Variants in FGF12 observed in about 807,000 individuals in gnomAD.
FGF12 encodes fibroblast growth factor 12.
Under a neutral mutation model 23.6 loss-of-function variants are expected in FGF12, and 14 were observed. The observed-to-expected ratio is 0.59, with a 90% CI of 0.39 to 0.93. The LOEUF is 0.93. Among genes scored for constraint, FGF12 ranks in the 40% least tolerant of loss-of-function variants. The probability of loss-of-function intolerance (pLI) is 0.00; values close to 1 mark genes in which losing one functional copy is unlikely to be tolerated. For missense variants in FGF12, 175 were observed against 217.8 expected, an observed-to-expected ratio of 0.80 and a Z score of 1.24; for synonymous variants, 62 against 77.3, an observed-to-expected ratio of 0.80 and a Z score of 1.04.
chr3:192,436,466 A>G (rs1285280078), intron 2 of FGF12, among the ~76,000 whole-genome samples: 1 of 152,176 alleles, frequency 6.6e-6, no homozygotes, highest in Non-Finnish European at 1.5e-5. Flanking sequence ...AGTACTAGTG[A>G]GCTCCTGGGT....
intron 2 of FGF12, among the ~76,000 whole-genome samples, chr3:192,634,154 TC>T (rs1715495691): frequency 6.6e-6 from 1 of 152,172 alleles, no homozygotes; most frequent in Admixed American, 6.5e-5. Context: ...TCCTTTTTTC[TC>T]TCTTTCATCT....
At chr3:192,524,969 T>C (rs1441729526) in intron 2 of FGF12, among the ~76,000 whole-genome samples, 1 of 152,144 alleles carries the variant, frequency 6.6e-6, no homozygotes, top group Non-Finnish European at 1.5e-5. Flanking sequence ...GATGCAGTAA[T>C]TATATGTGTT....
chr3:192,187,130 C>A (rs2108642004), intron 4 of FGF12, among the ~76,000 whole-genome samples: 1 of 152,248 alleles, frequency 6.6e-6, no homozygotes, highest in Non-Finnish European at 1.5e-5. Flanking sequence ...TAGAATCTGA[C>A]CATTTTCCCT....
chr3:192,345,428 C>G (rs1717908324), intron 3 of FGF12, among the ~76,000 whole-genome samples: 1 of 42,852 alleles, frequency 2.3e-5, no homozygotes, highest in Non-Finnish European at 3.4e-5. Context: ...TGGCTCACGC[C>G]TGTAATCCCA....
At chr3:192,318,425 C>T (rs942346081) in intron 4 of FGF12, among the ~76,000 whole-genome samples, 8 of 152,062 alleles carry the variant, frequency 5.3e-5, no homozygotes, top group East Asian at 1.9e-4. Flanking sequence ...AGTTGGAAAA[C>T]GCAACTGACA....
chr3:192,300,508 T>C (rs1715280789), intron 4 of FGF12, among the ~76,000 whole-genome samples: 1 of 152,074 alleles, frequency 6.6e-6, no homozygotes, highest in South Asian at 2.1e-4. Flanking sequence ...GGGGGAAGCA[T>C]GGTAGGTGCC....
chr3:192,375,410 A>G (rs1236778838), intron 2 of FGF12, among the ~76,000 whole-genome samples: 5 of 152,110 alleles, frequency 3.3e-5, no homozygotes, highest in Non-Finnish European at 7.4e-5. Context: ...TGTCTCTATT[A>G]TTTTAGTAGT....
At chr3:192,727,348 T>G (rs1719253124) in intron 1 of FGF12, 25 bp from the exon 2 acceptor site, 20 of 1,532,524 alleles carry the variant, frequency 1.3e-5, no homozygotes, top group Non-Finnish European at 1.7e-5. Context: ...TTCTTAAACC[T>G]TGAAGCTGCA....
intron 2 of FGF12, among the ~76,000 whole-genome samples, chr3:192,643,148 T>C (rs1715868096): frequency 6.6e-6 from 1 of 152,244 alleles, no homozygotes; most frequent in South Asian, 2.1e-4. Flanking sequence ...GAGAAATTCT[T>C]TACTATTCTA....
chr3:192,410,454 C>G (rs185260300), intron 2 of FGF12, among the ~76,000 whole-genome samples: 535 of 152,182 alleles, frequency 3.5e-3, no homozygotes, highest in Non-Finnish European at 6.5e-3. Context: ...GTTAAAGGAC[C>G]CTAGGTGCGC....
intron 2 of FGF12, among the ~76,000 whole-genome samples, chr3:192,432,823 T>C (rs1205883503): frequency 6.6e-6 from 1 of 152,118 alleles, no homozygotes; most frequent in Non-Finnish European, 1.5e-5. Context: ...TGAAGCTGTG[T>C]CCGGTTTACT....
At chr3:192,276,590 T>G (rs1713804722) in intron 4 of FGF12, among the ~76,000 whole-genome samples, 1 of 152,174 alleles carries the variant, frequency 6.6e-6, no homozygotes, top group Admixed American at 6.6e-5. Flanking sequence ...TCTTTTTCTG[T>G]CCTTTTCCTG....
At chr3:192,434,506 T>A (rs984800439) in intron 2 of FGF12, among the ~76,000 whole-genome samples, 1 of 152,082 alleles carries the variant, frequency 6.6e-6, no homozygotes, top group East Asian at 1.9e-4. Context: ...TGTGCATGTG[T>A]GTGTGCAGGC....
intron 2 of FGF12, among the ~76,000 whole-genome samples, chr3:192,630,860 CT>C (rs963247425): frequency 6.7e-5 from 10 of 149,414 alleles, no homozygotes; most frequent in Non-Finnish European, 1.0e-4. Context: ...GCCCGGCCCA[CT>C]TTTTTTTTTC....
At chr3:192,275,757 G>C (rs1713745218) in intron 4 of FGF12, among the ~76,000 whole-genome samples, 1 of 152,120 alleles carries the variant, frequency 6.6e-6, no homozygotes, top group Admixed American at 6.6e-5. Context: ...AAAATGTGAA[G>C]AAATATGAAT....
At chr3:192,674,458 C>A (rs1476639796) in intron 2 of FGF12, among the ~76,000 whole-genome samples, 1 of 152,090 alleles carries the variant, frequency 6.6e-6, no homozygotes, top group African/African-American at 2.4e-5. Context: ...AAACCCTAGG[C>A]CTAGAGACCT....
intron 2 of FGF12, among the ~76,000 whole-genome samples, chr3:192,479,601 G>A (rs1723423085): frequency 6.6e-6 from 1 of 152,136 alleles, no homozygotes; most frequent in Non-Finnish European, 1.5e-5. Flanking sequence ...TGAATGGTAG[G>A]TGTGAGTAAG....
intron 2 of FGF12, among the ~76,000 whole-genome samples, chr3:192,375,629 A>G (rs1488271401): frequency 6.6e-6 from 1 of 152,110 alleles, no homozygotes; most frequent in African/African-American, 2.4e-5. Context: ...ATTTACAAAC[A>G]TGTTTACCAT....
chr3:192,279,230 GTATATA>G (rs59504943), intron 4 of FGF12, among the ~76,000 whole-genome samples: 26 of 131,880 alleles, frequency 2.0e-4, no homozygotes, highest in African/African-American at 3.1e-4. Flanking sequence ...TAATGTATGA[GTATATA>G]TATATATATA....
Sources: gnomAD v4.1 joint callset for allele counts (sites outside exome capture counted in the v4.1 genomes callset) on GRCh38, gnomAD v4.1.1 for gene constraint, MANE v1.5 for transcripts, NCBI Gene and HGNC (gene_info 2026-07-23, HGNC 2026-07-21) for gene names.